LARGE1: variants seen among roughly 807,000 people sequenced by gnomAD.
LARGE1 encodes the protein LARGE xylosyl- and glucuronyltransferase 1, also known as xylosyl- and glucuronyltransferase LARGE1.
A neutral mutation model predicts 87.6 loss-of-function variants in LARGE1; 43 were observed. The ratio of observed to expected loss-of-function variants is 0.49; its 90% CI spans 0.38 to 0.63. The LOEUF (loss-of-function observed/expected upper bound fraction) is 0.63. Ranked by LOEUF, LARGE1 falls within the 30% of genes least tolerant of loss-of-function variation. LARGE1 has a pLI of 0.00. For missense variants in LARGE1, 802 were observed against 1,000.2 expected, an observed-to-expected ratio of 0.80 and a Z score of 2.67; for synonymous variants, 434 against 394.6, an observed-to-expected ratio of 1.10 and a Z score of -1.18.
the LARGE1 span, among the ~76,000 whole-genome samples, chr22:33,090,797 G>A: frequency 3.9e-5 from 6 of 152,166 alleles, no homozygotes; most frequent in African/African-American, 1.4e-4. Flanking sequence ...AGCTGTCAGA[G>A]GCCTTTAAGG....
At chr22:33,482,831 T>C (rs566499303) in intron 6 of LARGE1, among the ~76,000 whole-genome samples, 19 of 152,194 alleles carry the variant, frequency 1.2e-4, no homozygotes, top group Non-Finnish European at 1.6e-4. Context: ...ATTGAGGTGT[T>C]GGGAAGCAAA....
chr22:33,074,176 C>T, the LARGE1 span, among the ~76,000 whole-genome samples: 25 of 152,232 alleles, frequency 1.6e-4, no homozygotes, highest in Admixed American at 8.5e-4. Context: ...GTGTCCCCCT[C>T]CTCACTCTTC....
intron 6 of LARGE1, among the ~76,000 whole-genome samples, chr22:33,454,668 G>A (rs1246437207): frequency 3.3e-5 from 5 of 151,678 alleles, no homozygotes; most frequent in African/African-American, 1.2e-4. Context: ...ATTGGCTCAT[G>A]GTTCTGCAGG....
intron 1 of LARGE1, among the ~76,000 whole-genome samples, chr22:33,872,907 G>A (rs991984406): frequency 3.9e-5 from 6 of 152,180 alleles, no homozygotes; most frequent in Non-Finnish European, 7.3e-5. Flanking sequence ...GGCTGAGGCA[G>A]GAGAATTGCC....
At chr22:33,464,318 T>C (rs2068500216) in intron 6 of LARGE1, among the ~76,000 whole-genome samples, 1 of 151,998 alleles carries the variant, frequency 6.6e-6, no homozygotes, top group Non-Finnish European at 1.5e-5. Context: ...TGACCCCAGG[T>C]TTTGGTTTAT....
chr22:33,340,825 T>G (rs61242860), intron 9 of LARGE1, among the ~76,000 whole-genome samples: 14,390 of 151,856 alleles, frequency 0.095, 1,789 homozygotes, highest in African/African-American at 0.26. Context: ...ATGGCCACCT[T>G]GCTGGTAAAC....
chr22:33,201,348 G>A (rs546456581), intron 11 of LARGE1, among the ~76,000 whole-genome samples: 74 of 148,022 alleles, frequency 5.0e-4, no homozygotes, highest in African/African-American at 1.8e-3. Flanking sequence ...GAAAGAAAGA[G>A]AGAGAAAGAG....
At chr22:33,600,952 C>A (rs1256578728) in intron 5 of LARGE1, among the ~76,000 whole-genome samples, 1 of 152,112 alleles carries the variant, frequency 6.6e-6, no homozygotes, top group Non-Finnish European at 1.5e-5. Context: ...ATGGTCCCAG[C>A]TACTCTACTC....
At chr22:33,519,652 T>G (rs1452985650) in intron 6 of LARGE1, among the ~76,000 whole-genome samples, 3 of 152,160 alleles carry the variant, frequency 2.0e-5, no homozygotes, top group Non-Finnish European at 4.4e-5. Context: ...ATCACTATTT[T>G]TACATCCTTG....
intron 9 of LARGE1, among the ~76,000 whole-genome samples, chr22:33,343,244 G>C (rs1299833453): frequency 1.3e-5 from 2 of 151,998 alleles, no homozygotes; most frequent in Non-Finnish European, 2.9e-5. Context: ...TCCTTCCCCT[G>C]AGTGGCTGGG....
At chr22:33,621,080 C>A (rs1181053317) in intron 4 of LARGE1, among the ~76,000 whole-genome samples, 1 of 152,120 alleles carries the variant, frequency 6.6e-6, no homozygotes, top group Non-Finnish European at 1.5e-5. Context: ...ATATACGATG[C>A]ATCCCATTTT....
chr22:33,287,922 C>G (rs146695971), intron 12 of LARGE1, among the ~76,000 whole-genome samples: 68 of 152,368 alleles, frequency 4.5e-4, no homozygotes, highest in African/African-American at 1.5e-3. Flanking sequence ...AGCTCTGACT[C>G]TACTAGGCTG....
chr22:33,082,671 A>G, the LARGE1 span, among the ~76,000 whole-genome samples: 2 of 152,222 alleles, frequency 1.3e-5, no homozygotes, highest in Non-Finnish European at 2.9e-5. Flanking sequence ...AATGCATGGG[A>G]ATGATTTCAA....
rs368037310 is a variant in LARGE1 at position 33,429,838 on chromosome 22, G to T, written c.892+2323C>A. 3.3e-5 allele frequency among the ~76,000 whole-genome samples: 5 copies of T among 152,236 alleles called. No homozygotes were observed. The East Asian group carries it at 5.8e-4, about 18-fold the overall frequency. On this transcript the variant is annotated intron_variant, in intron 7 of 14. Coordinates refer to ENST00000397394, the MANE Select transcript of LARGE1 (RefSeq NM_133642.5). ...CTAGTCGTTTGCCAGAGGAAAGCACGTGGAACCCCCGTCCCTGGCCCGCTG... is the reference window on the plus strand; with the variant it reads ...CTAGTCGTTTGCCAGAGGAAAGCACTTGGAACCCCCGTCCCTGGCCCGCTG...
At chr22:33,096,024 C>A in the LARGE1 span, among the ~76,000 whole-genome samples, 1 of 152,146 alleles carries the variant, frequency 6.6e-6, no homozygotes, top group Non-Finnish European at 1.5e-5. Flanking sequence ...TTACTTCCTG[C>A]GTCTAGGCAT....
chr22:33,504,479 C>G, intron 6 of LARGE1, among the ~76,000 whole-genome samples: 1 of 152,188 alleles, frequency 6.6e-6, no homozygotes, highest in East Asian at 1.9e-4. Flanking sequence ...AGGCTGGTCT[C>G]AAACTCCTGA....
intron 6 of LARGE1, among the ~76,000 whole-genome samples, chr22:33,464,920 C>T (rs557280395): frequency 6.6e-5 from 10 of 151,790 alleles, no homozygotes; most frequent in Non-Finnish European, 1.2e-4. Flanking sequence ...CACATGCACA[C>T]ATACATGCAC....
At chr22:33,535,522 G>A (rs1041254119) in intron 6 of LARGE1, among the ~76,000 whole-genome samples, 3 of 150,774 alleles carry the variant, frequency 2.0e-5, no homozygotes, top group African/African-American at 7.3e-5. Flanking sequence ...CAACCTGGGT[G>A]ATGAGAGTAA....
intron 4 of LARGE1, among the ~76,000 whole-genome samples, chr22:33,617,040 C>T (rs143400490): frequency 6.6e-6 from 1 of 152,160 alleles, no homozygotes; most frequent in African/African-American, 2.4e-5. Context: ...GGGAAGGAGG[C>T]CTGCTCTGCT....
Sources: gnomAD v4.1 joint callset for allele counts (sites outside exome capture counted in the v4.1 genomes callset) on GRCh38, gnomAD v4.1.1 for gene constraint, MANE v1.5 for transcripts, NCBI Gene and HGNC (gene_info 2026-07-23, HGNC 2026-07-21) for gene names.